The following IL22RA2 variants were observed in gnomAD, a reference collection of about 807,000 sequenced individuals.
IL22RA2 encodes the protein interleukin 22 receptor subunit alpha 2.
Under a neutral mutation model 30.7 loss-of-function variants are expected in IL22RA2, and 39 were observed. The observed-to-expected ratio is 1.27, with a 90% CI of 0.98 to 1.66. IL22RA2 has a LOEUF of 1.66. IL22RA2 is among the 40% of genes most tolerant of loss of function. The pLI is 0.00. For missense variants in IL22RA2, 315 were observed against 312.7 expected (o/e 1.01, Z -0.05); for synonymous variants, 103 against 105.0 (o/e 0.98, Z 0.11).
chr6:137,167,262 G>A (rs947529808), intron 1 of IL22RA2, among the ~76,000 whole-genome samples: 6 of 152,162 alleles, frequency 3.9e-5, no homozygotes, highest in Middle Eastern at 3.2e-3. Flanking sequence ...TCAAACAGCC[G>A]TTAAAAAAGT....
intron 1 of IL22RA2, among the ~76,000 whole-genome samples, chr6:137,170,082 C>T (rs1232709550): frequency 6.6e-6 from 1 of 152,178 alleles, no homozygotes; most frequent in East Asian, 1.9e-4. Flanking sequence ...TAATCGGAAG[C>T]ATCCAATCCA....
intron 1 of IL22RA2, among the ~76,000 whole-genome samples, chr6:137,171,549 C>G (rs1778733919): frequency 6.6e-6 from 1 of 152,124 alleles, no homozygotes; most frequent in Non-Finnish European, 1.5e-5. Context: ...CAGACAGGAG[C>G]AGAGGAGTTG....
intron 5 of IL22RA2, among the ~76,000 whole-genome samples, chr6:137,151,139 A>G (rs1474858828): frequency 6.6e-6 from 1 of 152,250 alleles, no homozygotes; most frequent in Non-Finnish European, 1.5e-5. Flanking sequence ...ATGAATAAAG[A>G]GGAGGGCTCA....
At position 137,161,685 on chromosome 6, in the gene IL22RA2, T is replaced by C. The variant is rs758748652; in HGVS notation, c.61+4A>G. ...GAGCAATTAAAAAGAAACAAAGCAC[T>C]TACCTGCTACACCAGTAAGGAAGAA... On this transcript the variant is annotated splice_donor_region_variant and intron_variant, in intron 2 of 6. Transcript: ENST00000296980. 1 of 1,611,564 alleles carries C rather than the reference T, an allele frequency of 6.2e-7. No individual in the cohort carries two copies. The highest frequency in any genetic ancestry group is 1.3e-5 in the African/African-American group (1 of 74,962).
intron 4 of IL22RA2, among the ~76,000 whole-genome samples, chr6:137,156,328 T>C (rs190202259): frequency 8.8e-4 from 134 of 152,316 alleles, no homozygotes; most frequent in Non-Finnish European, 1.6e-3. Context: ...AAATCTAGCT[T>C]TCTAGACACA....
intron 2 of IL22RA2, among the ~76,000 whole-genome samples, chr6:137,161,355 A>G (rs1582606517): frequency 6.6e-6 from 1 of 152,118 alleles, no homozygotes; most frequent in East Asian, 1.9e-4. Flanking sequence ...AAGACATTCT[A>G]AGGTGAGTGA....
chr6:137,151,434 G>A (rs995861203), intron 5 of IL22RA2, among the ~76,000 whole-genome samples: 1 of 152,194 alleles, frequency 6.6e-6, no homozygotes, highest in African/African-American at 2.4e-5. Context: ...ACTTAACTGT[G>A]AGAGATAAAA....
chr6:137,169,146 G>A (rs1778683212), intron 1 of IL22RA2, among the ~76,000 whole-genome samples: 1 of 152,194 alleles, frequency 6.6e-6, no homozygotes, highest in Non-Finnish European at 1.5e-5. Context: ...CCCCATCATT[G>A]GAAAATACTG....
rs28385766 is a variant in IL22RA2, at chr6:137,160,978, C to T, written c.61+711G>A. Among the ~76,000 whole-genome samples, 300 of 152,338 alleles carry T rather than the reference C, an allele frequency of 2.0e-3. 1 individual carries two copies. The highest frequency in any genetic ancestry group is 7.0e-3 in the African/African-American group (290 of 41,572). On this transcript the variant is annotated intron_variant, in intron 2 of 6. Transcript: ENST00000296980. ...CACCATCTTGGCAAGTTACTTAAAT[C>T]ACTTACACTGAGAGGTACCCATTTG...
rs748259965 is a variant in IL22RA2 at position 137,154,996 on chromosome 6, CGAG to C, written c.414_416del (p.Ser139del). On this transcript the variant is annotated inframe_deletion, in exon 5 of 7. Transcript: ENST00000296980. ...TGCTCCATTCTGAGTAGCTCCCAGC[CGAG>C]GCCGCCCTCACCCTCCCGTAATAAG... The C allele has an allele frequency of 1.2e-6, 2 of 1,614,070 alleles. No homozygotes were observed. Among genetic ancestry groups the C allele is most frequent in the African/African-American group, 2.7e-5 (2 of 75,036 alleles).
chr6:137,163,694 G>T (rs548638202), intron 1 of IL22RA2, among the ~76,000 whole-genome samples: 2 of 152,326 alleles, frequency 1.3e-5, no homozygotes, highest in South Asian at 4.1e-4. Flanking sequence ...ACCCGAGGGG[G>T]TTGGGACAAT....
At chr6:137,166,794 C>G (rs1778634761) in intron 1 of IL22RA2, among the ~76,000 whole-genome samples, 1 of 152,220 alleles carries the variant, frequency 6.6e-6, no homozygotes, top group South Asian at 2.1e-4. Context: ...ATTAGAGACT[C>G]TTGTAGGATG....
At position 137,161,833 on chromosome 6, in the gene IL22RA2, G is replaced by T; in HGVS notation, c.-65-19C>A. 1 of 1,029,644 alleles carries T rather than the reference G, an allele frequency of 9.7e-7. No individual in the cohort carries two copies. Among genetic ancestry groups the T allele is most frequent in the South Asian group, 1.4e-5 (1 of 73,094 alleles). 63.8% of individuals were successfully genotyped at this position (1,029,644 alleles called of 1,614,324 possible). A position where few individuals can be genotyped will look rare whatever the true frequency, so the allele number is the denominator to read the frequency against. ...GAGGAAACTGTAAAATCCACAAACA[G>T]ACAATCACTCCCGGGTTTAAGGCAG... On this transcript the variant is annotated intron_variant, in intron 1 of 6. Coordinates refer to ENST00000296980, the MANE Select transcript of IL22RA2 (RefSeq NM_052962.3).
rs1778785620 is a variant in IL22RA2 at position 137,173,573 on chromosome 6, A to G, written c.-226T>C. 6.6e-6 allele frequency: 1 copy of G among 152,180 alleles called. No individual in the cohort carries two copies. The highest frequency in any genetic ancestry group is 1.5e-5 in the Non-Finnish European group (1 of 68,026). 9.4% of individuals were successfully genotyped at this position (152,180 alleles called of 1,614,324 possible). On this transcript the variant is annotated 5_prime_UTR_variant, in exon 1 of 7. Coordinates refer to ENST00000296980, the MANE Select transcript of IL22RA2 (RefSeq NM_052962.3). ...TATTATTATTCATTTGATGTTACAGATGAAGAAACTGAGACATAGATAGAG... is the reference window on the plus strand; with the variant it reads ...TATTATTATTCATTTGATGTTACAGGTGAAGAAACTGAGACATAGATAGAG...
At chr6:137,147,205 A>G (rs1227349011) in intron 6 of IL22RA2, among the ~76,000 whole-genome samples, 1 of 148,882 alleles carries the variant, frequency 6.7e-6, no homozygotes, top group African/African-American at 2.5e-5. Flanking sequence ...AAAAAAAAAA[A>G]AAAAAAAAAA....
At chr6:137,158,299 T>G in intron 3 of IL22RA2, 48 bp downstream of exon 3, 1 of 1,607,852 alleles carries the variant, frequency 6.2e-7, no homozygotes, top group Non-Finnish European at 8.5e-7. Flanking sequence ...CTAGAACATG[T>G]TATCCCAGTG....
chr6:137,158,526 C>A, intron 2 of IL22RA2, 44 bp from the exon 3 acceptor site: 1 of 1,604,122 alleles, frequency 6.2e-7, no homozygotes, highest in Middle Eastern at 1.7e-4. Context: ...TTGCTTGGAG[C>A]ACTGCTGTTC....
intron 5 of IL22RA2, among the ~76,000 whole-genome samples, chr6:137,151,478 T>G (rs185748912): frequency 6.6e-6 from 1 of 152,150 alleles, no homozygotes; most frequent in Non-Finnish European, 1.5e-5. Flanking sequence ...ATAGGGTAAA[T>G]CTTCATGATT....
chr6:137,144,622 C>A lies in IL22RA2; in HGVS notation c.*1002G>T, dbSNP rs1207400947. The stretch of plus-strand genomic sequence containing the variant: ...GCTCTATAGTCTCTGTAGGCACCTA[C>A]CAACACCGGTCCTTCTCCTGCTACC... On this transcript the variant is annotated 3_prime_UTR_variant, in exon 7 of 7. Coordinates refer to ENST00000296980, the MANE Select transcript of IL22RA2 (RefSeq NM_052962.3). 8 of 152,394 alleles carry A rather than the reference C, an allele frequency of 5.2e-5. No individual in the cohort carries two copies. The South Asian group carries it at 1.7e-3, about 32-fold the overall frequency. 9.4% of individuals were successfully genotyped at this position (152,394 alleles called of 1,614,324 possible).
Sources: allele counts gnomAD v4.1 joint callset (sites outside exome capture counted in the v4.1 genomes callset), GRCh38; gene constraint gnomAD v4.1.1; transcripts MANE v1.5; gene names NCBI Gene and HGNC (gene_info 2026-07-23, HGNC 2026-07-21).